Variants in UBE3B observed in about 807,000 individuals in gnomAD.
UBE3B encodes the protein ubiquitin protein ligase E3B.
Under a neutral mutation model 132.3 loss-of-function variants are expected in UBE3B, and 80 were observed. The ratio of observed to expected loss-of-function variants is 0.60; its 90% CI spans 0.50 to 0.73. The LOEUF (loss-of-function observed/expected upper bound fraction) is 0.73, where lower values mean the gene tolerates loss of function less well. UBE3B is among the 30% of genes least tolerant of loss of function. The pLI, the probability that UBE3B is intolerant of heterozygous loss-of-function variation, is 0.00. For missense variants in UBE3B, 1,196 were observed against 1,362.5 expected (o/e 0.88, Z 1.92); for synonymous variants, 487 against 520.4 (o/e 0.94, Z 0.87).
intron 4 of UBE3B, among the ~76,000 whole-genome samples, chr12:109,484,794 C>T (rs998157061): frequency 6.6e-6 from 1 of 151,494 alleles, no homozygotes. Flanking sequence ...GTCTCACTGT[C>T]GCCCAGGCTG....
At chr12:109,505,215 C>T (rs16940277) in intron 14 of UBE3B, among the ~76,000 whole-genome samples, 14,781 of 152,246 alleles carry the variant, frequency 0.097, 1,777 homozygotes, top group African/African-American at 0.28. Context: ...GAAAATAACG[C>T]TTGTTTTTAA....
At chr12:109,501,265 G>A in intron 12 of UBE3B, 106 bp from the exon 13 acceptor site, 1 of 1,389,880 alleles carries the variant, frequency 7.2e-7, no homozygotes, top group Non-Finnish European at 9.9e-7. Flanking sequence ...TGAGTGCCAG[G>A]TCCTAGCTAC....
intron 26 of UBE3B, among the ~76,000 whole-genome samples, chr12:109,532,541 A>G (rs550211406): frequency 6.6e-6 from 1 of 152,190 alleles, no homozygotes; most frequent in South Asian, 2.1e-4. Flanking sequence ...TGTATCCCCT[A>G]GAGAAGGGAG....
At position 109,491,063 on chromosome 12, in the gene UBE3B, C is replaced by G; in HGVS notation, c.649C>G (p.Leu217Val). The G allele has an allele frequency of 5.0e-6, 8 of 1,613,784 alleles. No homozygotes were observed. The highest frequency in any genetic ancestry group is 6.8e-6 in the Non-Finnish European group (8 of 1,179,756). ...TTTTCAGATATTGTTAACCCGTGGC[C>G]TGGCAAGACCCCGTCCTTGTCTATC... ...SVLQILLTRG[L>V]ARPRPCLSKG... Residue 217 changes from leucine to valine, a missense_variant, in exon 9 of 28, where the codon CTG (leucine) becomes GTG (valine). Physicochemically the swap from Leu to Val is conservative, Grantham distance 32. Coordinates refer to ENST00000342494, the MANE Select transcript of UBE3B (RefSeq NM_130466.4).
Position 109,534,474 on chromosome 12 carries a change from C to T in UBE3B, c.3016-117C>T, listed in dbSNP as rs1192085975. 2.7e-6 allele frequency: 4 copies of T among 1,476,002 alleles called. No homozygotes were observed. The highest frequency in any genetic ancestry group is 3.6e-6 in the Non-Finnish European group (4 of 1,115,908). 91.4% of individuals were successfully genotyped at this position (1,476,002 alleles called of 1,614,324 possible). A position where few individuals can be genotyped will look rare whatever the true frequency, so the allele number is the denominator to read the frequency against. On this transcript the variant is annotated intron_variant, in intron 27 of 27. Coordinates refer to ENST00000342494, the MANE Select transcript of UBE3B (RefSeq NM_130466.4). The surrounding 1 kb of genome is among the most constrained non-coding windows in gnomAD (Gnocchi z 5.2). Reference sequence around the variant, plus strand: ...AGTGGTGCCAGGGCAGCGCCCTGCACTCTGCCCAGCATCCAGGGACTGGCC... The same window carrying T: ...AGTGGTGCCAGGGCAGCGCCCTGCATTCTGCCCAGCATCCAGGGACTGGCC...
chr12:109,497,781 G>A (rs766861580), intron 9 of UBE3B, 37 bp from the exon 10 acceptor site: 17 of 1,605,684 alleles, frequency 1.1e-5, no homozygotes, highest in Non-Finnish European at 1.3e-5. Flanking sequence ...GATGCACACG[G>A]AGACCTGTCT....
intron 14 of UBE3B, among the ~76,000 whole-genome samples, chr12:109,507,217 CTGACATACAGGCTGTG>C (rs1879797824): frequency 6.6e-6 from 1 of 152,208 alleles, no homozygotes; most frequent in Admixed American, 6.5e-5. Flanking sequence ...ATTCCTGGCT[CTGACATACAGGCTGTG>C]TGATTTGGGG....
At chr12:109,514,821 G>A (rs761098287) in intron 18 of UBE3B, among the ~76,000 whole-genome samples, 28 of 152,076 alleles carry the variant, frequency 1.8e-4, no homozygotes, top group Non-Finnish European at 2.9e-4. Context: ...CTCAGAGCAC[G>A]TCAGTCCTGT....
Position 109,534,890 on chromosome 12 carries a change from C to T in UBE3B, c.*108C>T. The T allele has an allele frequency of 2.1e-6, 2 of 950,008 alleles. No homozygotes were observed. Among genetic ancestry groups the T allele is most frequent in the East Asian group, 2.9e-5 (1 of 35,020 alleles). The allele number at this position is 950,008 out of a possible 1,614,324, so 58.8% of individuals were successfully genotyped here. ...ACCAACATGCCAGGTGACATTGGCC[C>T]CTAGACCCTCTCTATAGCCATGAGA... On this transcript the variant is annotated 3_prime_UTR_variant, in exon 28 of 28. Coordinates refer to ENST00000342494, the MANE Select transcript of UBE3B (RefSeq NM_130466.4). The surrounding 1 kb of genome is among the most constrained non-coding windows in gnomAD (Gnocchi z 5.2).
At chr12:109,482,206 G>A (rs1875588331) in intron 2 of UBE3B, among the ~76,000 whole-genome samples, 1 of 152,138 alleles carries the variant, frequency 6.6e-6, no homozygotes, top group Non-Finnish European at 1.5e-5. Context: ...TTGTATGGAT[G>A]TAGGGGGTAC....
chr12:109,547,411 C>G, the UBE3B span, among the ~76,000 whole-genome samples: 1 of 152,252 alleles, frequency 6.6e-6, no homozygotes, highest in Non-Finnish European at 1.5e-5. The surrounding 1 kb of genome is among the most constrained non-coding windows in gnomAD (Gnocchi z 4.1). Flanking sequence ...CGAGTTCCAT[C>G]CTGAGAACTC....
chr12:109,480,334 G>A (rs749290531), intron 1 of UBE3B, among the ~76,000 whole-genome samples: 7 of 152,046 alleles, frequency 4.6e-5, no homozygotes, highest in Non-Finnish European at 8.8e-5. Context: ...CAACCTCTAA[G>A]CCAATTAATA....
chr12:109,509,575 G>A, intron 15 of UBE3B, 21 bp from the exon 16 acceptor site: 1 of 1,533,148 alleles, frequency 6.5e-7, no homozygotes, highest in East Asian at 2.3e-5. Flanking sequence ...GGAATTGTGG[G>A]TAATTTTCTC....
chr12:109,521,447 A>G lies in UBE3B; in HGVS notation c.2260A>G (p.Ser754Gly). 1.9e-6 allele frequency: 3 copies of G among 1,581,154 alleles called. No homozygotes were observed. Among genetic ancestry groups the G allele is most frequent in the South Asian group, 1.1e-5 (1 of 87,494 alleles). ...CCGTCTTTTTGCCTTGCAGACAACC[A>G]GTGGGGATGAGAGGCTGTACCCCTC... ...DPALNLFKTT[S>G]GDERLYPSPT... is the part of the protein sequence containing the mutation. Residue 754 changes from serine (S) to glycine (G), a missense_variant, in exon 21 of 28, where the codon AGT (serine) becomes GGT (glycine). Transcript: ENST00000342494. This position sits in a 1 kb window ranked among gnomAD's most constrained non-coding sequence, Gnocchi z 4.2.
At chr12:109,532,942 T>C (rs1316469626) in intron 26 of UBE3B, among the ~76,000 whole-genome samples, 1 of 152,216 alleles carries the variant, frequency 6.6e-6, no homozygotes, top group Non-Finnish European at 1.5e-5. Context: ...CCCCTCTGCA[T>C]GAATAAGGAG....
In UBE3B at chr12:109,526,372, A is replaced by G. The variant is rs749686366; in HGVS notation, c.2583A>G (p.Glu861=). 1 of 1,614,174 alleles carries G rather than the reference A, an allele frequency of 6.2e-7. No individual in the cohort carries two copies. The highest frequency in any genetic ancestry group is 1.7e-5 in the Admixed American group (1 of 60,022). The change falls in exon 24 of 28, where the codon GAA becomes GAG. Residue 861 remains glutamate, a synonymous_variant. Coordinates refer to ENST00000342494, the MANE Select transcript of UBE3B (RefSeq NM_130466.4). ...TTCTCCCCCAGCTTGTTTGCCATGA[A>G]CTGATTCCTGGAGGGAAGACCATTC... is the stretch of plus-strand genomic sequence containing the variant. The part of the protein sequence containing the change: ...EDVMGQLVCH[E]LIPGGKTIPV...
chr12:109,536,904 A>T (rs1356564507), downstream of UBE3B, among the ~76,000 whole-genome samples: 1 of 152,178 alleles, frequency 6.6e-6, no homozygotes, highest in Admixed American at 6.5e-5. Flanking sequence ...AAGAAGTAAC[A>T]CATTTCAGAT....
chr12:109,545,013 T>C, the UBE3B span, among the ~76,000 whole-genome samples: 1 of 152,140 alleles, frequency 6.6e-6, no homozygotes, highest in Non-Finnish European at 1.5e-5. Context: ...AGCCAGGATA[T>C]GAGGAACTGG....
At chr12:109,539,030 G>C (rs1016784905), downstream of UBE3B, among the ~76,000 whole-genome samples, 1 of 152,216 alleles carries the variant, frequency 6.6e-6, no homozygotes, top group Non-Finnish European at 1.5e-5. Context: ...GAGGTCAGGA[G>C]TTCCAGACCA....
Sources: allele counts gnomAD v4.1 joint callset (sites outside exome capture counted in the v4.1 genomes callset), GRCh38; gene constraint gnomAD v4.1.1; non-coding constraint Gnocchi (gnomAD v3.1); transcripts MANE v1.5; gene names NCBI Gene and HGNC (gene_info 2026-07-23, HGNC 2026-07-21).